The following PRKN variants were observed in gnomAD, a reference collection of about 807,000 sequenced individuals.
The protein encoded by PRKN is parkin RBR E3 ubiquitin protein ligase.
A neutral mutation model predicts 59.5 loss-of-function variants in PRKN; 56 were observed. The observed-to-expected ratio is 0.94, with a 90% CI of 0.76 to 1.18. PRKN has a LOEUF of 1.18. Among genes scored for constraint, PRKN ranks in the 50% most tolerant of loss-of-function variants. The pLI is 0.00. For synonymous variants in PRKN, 250 were observed against 222.1 expected (o/e 1.13, Z -1.12); for missense variants, 657 against 596.4 (o/e 1.10, Z -1.06).
At chr6:161,650,182 A>G (rs1040992447) in intron 7 of PRKN, among the ~76,000 whole-genome samples, 5 of 152,218 alleles carry the variant, frequency 3.3e-5, no homozygotes, top group South Asian at 4.1e-4. Context: ...TGCCTGACCC[A>G]CAGAGTCCAC....
intron 7 of PRKN, among the ~76,000 whole-genome samples, chr6:161,713,390 C>A (rs139315062): frequency 6.6e-6 from 1 of 152,134 alleles, no homozygotes; most frequent in East Asian, 1.9e-4. Context: ...AAGTTCCAGC[C>A]CTCTAATCTT....
chr6:161,830,094 T>C (rs957640092), intron 6 of PRKN, among the ~76,000 whole-genome samples: 2 of 152,078 alleles, frequency 1.3e-5, no homozygotes, highest in African/African-American at 4.8e-5. Context: ...GTCCCACTTG[T>C]AGGGCGAGGT....
chr6:162,613,695 T>C, intron 1 of PRKN, among the ~76,000 whole-genome samples: 1 of 152,164 alleles, frequency 6.6e-6, no homozygotes, highest in East Asian at 1.9e-4. Flanking sequence ...TGAAAAAATA[T>C]ACACAAATTT....
rs1400950007 is a variant in PRKN at position 161,458,977 on chromosome 6, C to T, written c.1084-72100G>A. ...ACAGCCTCAAATCCCTTCATCTTATCTGGAGGGAAGACAGGAATGAAAACC... is the reference window on the plus strand; with the variant it reads ...ACAGCCTCAAATCCCTTCATCTTATTTGGAGGGAAGACAGGAATGAAAACC... On this transcript the variant is annotated intron_variant, in intron 9 of 11. Coordinates refer to ENST00000366898, the MANE Select transcript of PRKN (RefSeq NM_004562.3). The surrounding 1 kb of genome is among the most constrained non-coding windows in gnomAD (Gnocchi z 6.1). 2.0e-5 allele frequency among the ~76,000 whole-genome samples: 3 copies of T among 151,544 alleles called. No homozygotes were observed. The highest frequency in any genetic ancestry group is 7.3e-5 in the African/African-American group (3 of 41,188).
At chr6:162,385,437 A>G (rs1293855732) in intron 2 of PRKN, among the ~76,000 whole-genome samples, 1 of 152,220 alleles carries the variant, frequency 6.6e-6, no homozygotes, top group East Asian at 1.9e-4. Flanking sequence ...CCAACCTGAT[A>G]ATATCATTAA....
rs973740696 is a variant in PRKN at position 161,566,480 on chromosome 6, C to T, written c.933+2875G>A. On this transcript the variant is annotated intron_variant, in intron 8 of 11. Transcript: ENST00000366898. The surrounding 1 kb of genome is among the most constrained non-coding windows in gnomAD (Gnocchi z 4.1). The stretch of plus-strand genomic sequence containing the variant: ...GGAGTGCATTGGCACGATATTGGCT[C>T]ACTGCAACCTCCGCCTCCCAGGCTC... Among the ~76,000 whole-genome samples, 1 of 152,204 alleles carries T rather than the reference C, an allele frequency of 6.6e-6. No individual in the cohort carries two copies. The highest frequency in any genetic ancestry group is 2.4e-5 in the African/African-American group (1 of 41,458).
intron 2 of PRKN, among the ~76,000 whole-genome samples, chr6:162,429,126 G>C (rs949580363): frequency 2.0e-5 from 3 of 152,258 alleles, no homozygotes; most frequent in Non-Finnish European, 4.4e-5. Context: ...ACTGACTACA[G>C]AAGTATAACC....
intron 6 of PRKN, among the ~76,000 whole-genome samples, chr6:161,939,453 C>T (rs562858031): frequency 7.0e-6 from 1 of 142,028 alleles, no homozygotes; most frequent in South Asian, 2.2e-4. Flanking sequence ...ATACCGTCGT[C>T]GGGCATGGTG....
chr6:162,626,172 G>A (rs964050562), intron 1 of PRKN, among the ~76,000 whole-genome samples: 6 of 152,036 alleles, frequency 3.9e-5, no homozygotes, highest in Non-Finnish European at 8.8e-5. Context: ...GTAGATTTGG[G>A]GTTAATCTGG....
At chr6:162,587,195 G>T (rs1190757971) in intron 1 of PRKN, among the ~76,000 whole-genome samples, 2 of 152,168 alleles carry the variant, frequency 1.3e-5, no homozygotes, top group Non-Finnish European at 2.9e-5. Context: ...GGAGTACAGT[G>T]GCGCAATCTC....
At chr6:161,702,744 T>C (rs913880141) in intron 7 of PRKN, among the ~76,000 whole-genome samples, 4 of 152,024 alleles carry the variant, frequency 2.6e-5, no homozygotes, top group Admixed American at 6.6e-5. Flanking sequence ...TTAGAAGATA[T>C]AAGTGTAAAA....
chr6:161,880,470 A>G (rs1317602578), intron 6 of PRKN, among the ~76,000 whole-genome samples: 2 of 152,160 alleles, frequency 1.3e-5, no homozygotes, highest in African/African-American at 4.8e-5. Flanking sequence ...ACATCTCTGC[A>G]TCGTTATTTT....
chr6:162,160,922 AAG>A (rs1341947684), intron 4 of PRKN, among the ~76,000 whole-genome samples: 2 of 150,876 alleles, frequency 1.3e-5, no homozygotes, highest in African/African-American at 4.9e-5. Context: ...AAAAAAGAAA[AAG>A]AGGGGACTTT....
intron 6 of PRKN, among the ~76,000 whole-genome samples, chr6:161,805,478 A>ACACACACATATG (rs61442187): frequency 2.7e-5 from 4 of 149,364 alleles, no homozygotes; most frequent in Admixed American, 6.7e-5. Flanking sequence ...ACACACACAC[A>ACACACACATATG]CATGCATGTA....
chr6:161,673,783 T>A (rs944710949), intron 7 of PRKN, among the ~76,000 whole-genome samples: 1 of 152,104 alleles, frequency 6.6e-6, no homozygotes, highest in Non-Finnish European at 1.5e-5. Context: ...GTCTGCAGGA[T>A]TTGCTGATGG....
chr6:161,984,611 A>G (rs1781368835), intron 5 of PRKN, among the ~76,000 whole-genome samples: 1 of 152,096 alleles, frequency 6.6e-6, no homozygotes, highest in South Asian at 2.1e-4. Flanking sequence ...ACTGATTTCC[A>G]TATTATCTGT....
At chr6:162,187,813 T>G (rs1784094154) in intron 4 of PRKN, among the ~76,000 whole-genome samples, 1 of 152,014 alleles carries the variant, frequency 6.6e-6, no homozygotes, top group African/African-American at 2.4e-5. Context: ...AAAAGAATCC[T>G]CAGTAAAAGG....
chr6:162,281,715 A>C (rs913862623), intron 2 of PRKN, among the ~76,000 whole-genome samples: 5 of 152,344 alleles, frequency 3.3e-5, no homozygotes, highest in African/African-American at 1.2e-4. Flanking sequence ...AAAATTTTGC[A>C]GCTCATTACA....
intron 1 of PRKN, among the ~76,000 whole-genome samples, chr6:162,535,026 C>A (rs1423825290): frequency 6.6e-6 from 1 of 152,072 alleles, no homozygotes; most frequent in East Asian, 1.9e-4. Context: ...CTCTTCCATC[C>A]CCAGTCCTCT....
Sources: allele counts gnomAD v4.1 joint callset (sites outside exome capture counted in the v4.1 genomes callset), GRCh38; gene constraint gnomAD v4.1.1; non-coding constraint Gnocchi (gnomAD v3.1); transcripts MANE v1.5; gene names NCBI Gene and HGNC (gene_info 2026-07-23, HGNC 2026-07-21).